NUP93: variants seen among roughly 807,000 people sequenced by gnomAD.
NUP93 encodes nuclear pore complex protein Nup93.
NUP93 carries 55 observed loss-of-function variants against 107.8 expected under a neutral mutation model. The observed-to-expected ratio is 0.51, with a 90% CI of 0.41 to 0.64. The LOEUF (loss-of-function observed/expected upper bound fraction) is 0.64, where lower values mean the gene tolerates loss of function less well. Among genes scored for constraint, NUP93 ranks in the 30% least tolerant of loss-of-function variants. NUP93 has a pLI of 0.00. For synonymous variants in NUP93, 390 were observed against 397.5 expected, an observed-to-expected ratio of 0.98 and a Z score of 0.22; for missense variants, 937 against 1,044.7, an observed-to-expected ratio of 0.90 and a Z score of 1.42.
chr16:56,823,131 C>CGCTCCTTTCCTGGGAG (rs1291329990), intron 7 of NUP93, among the ~76,000 whole-genome samples: 1 of 152,132 alleles, frequency 6.6e-6, no homozygotes, highest in Non-Finnish European at 1.5e-5. Context: ...AAAGAACACC[C>CGCTCCTTTCCTGGGAG]GCTCCTTTCC....
chr16:56,819,585 C>G (rs1193470928), intron 6 of NUP93, among the ~76,000 whole-genome samples: 1 of 152,162 alleles, frequency 6.6e-6, no homozygotes, highest in Non-Finnish European at 1.5e-5. Context: ...TCATCCTCCT[C>G]CAGCCTGGAG....
At chr16:56,810,243 G>T (rs907606824) in intron 5 of NUP93, among the ~76,000 whole-genome samples, 1 of 152,154 alleles carries the variant, frequency 6.6e-6, no homozygotes, top group African/African-American at 2.4e-5. Flanking sequence ...CCAGGGAATT[G>T]CCCTTTTCCG....
intron 3 of NUP93, among the ~76,000 whole-genome samples, chr16:56,771,283 G>T (rs1962317621): frequency 6.6e-6 from 1 of 152,210 alleles, no homozygotes; most frequent in African/African-American, 2.4e-5. Flanking sequence ...TTGAGTGAGT[G>T]TTGGCATCAT....
chr16:56,776,584 A>G (rs1430473840), intron 3 of NUP93, among the ~76,000 whole-genome samples: 17 of 152,354 alleles, frequency 1.1e-4, no homozygotes, highest in Middle Eastern at 6.8e-3. Flanking sequence ...TCTATTTACA[A>G]TCAACCTGGC....
intron 4 of NUP93, among the ~76,000 whole-genome samples, chr16:56,805,275 T>C (rs1963111074): frequency 6.6e-6 from 1 of 152,198 alleles, no homozygotes; most frequent in Admixed American, 6.5e-5. Flanking sequence ...CTCGAACACC[T>C]GGGCTCAAGC....
At chr16:56,766,719 T>C (rs1192363115) in intron 3 of NUP93, among the ~76,000 whole-genome samples, 1 of 152,198 alleles carries the variant, frequency 6.6e-6, no homozygotes, top group Non-Finnish European at 1.5e-5. Context: ...TGCAGCCTGA[T>C]GTGGCAGTTG....
At chr16:56,832,244 T>C (rs773032313) in intron 11 of NUP93, 51 bp from the exon 12 acceptor site, 1 of 1,459,800 alleles carries the variant, frequency 6.9e-7, no homozygotes, top group Non-Finnish European at 9.6e-7. Flanking sequence ...TCTGTGCATG[T>C]GGCTCAGGGT....
At chr16:56,751,855 G>A (rs1961926604) in intron 2 of NUP93, among the ~76,000 whole-genome samples, 2 of 152,166 alleles carry the variant, frequency 1.3e-5, no homozygotes, top group African/African-American at 2.4e-5. Flanking sequence ...GCAGGTAGAA[G>A]GCAGGGAACC....
At chr16:56,731,636 G>A (rs112595976) in intron 1 of NUP93, among the ~76,000 whole-genome samples, 12 of 151,940 alleles carry the variant, frequency 7.9e-5, no homozygotes, top group Non-Finnish European at 1.6e-4. Flanking sequence ...TTGAACTCCT[G>A]GCCTCAAGTG....
At chr16:56,752,379 C>T (rs1009160670) in intron 2 of NUP93, among the ~76,000 whole-genome samples, 2 of 152,066 alleles carry the variant, frequency 1.3e-5, no homozygotes, top group African/African-American at 2.4e-5. Context: ...TGTAGTATGT[C>T]TATGTAGTAG....
intron 21 of NUP93, among the ~76,000 whole-genome samples, chr16:56,843,012 G>C (rs968658402): frequency 7.2e-5 from 11 of 152,188 alleles, no homozygotes; most frequent in Non-Finnish European, 8.8e-5. Context: ...TCTTTCCACT[G>C]TGACCCCACA....
At chr16:56,758,847 G>A (rs1369347866) in intron 3 of NUP93, among the ~76,000 whole-genome samples, 192 bp downstream of exon 3, 2 of 152,214 alleles carry the variant, frequency 1.3e-5, no homozygotes, top group African/African-American at 4.8e-5. Flanking sequence ...AGAGCTCTCT[G>A]TGTGGCTGAA....
At chr16:56,749,266 G>C (rs1410243836) in intron 2 of NUP93, among the ~76,000 whole-genome samples, 1 of 152,202 alleles carries the variant, frequency 6.6e-6, no homozygotes, top group African/African-American at 2.4e-5. Context: ...TACAAGCTTG[G>C]CTAGACGTGA....
intron 19 of NUP93, 123 bp from the exon 20 acceptor site, chr16:56,839,398 A>C (rs1963977022): frequency 1.5e-6 from 1 of 666,392 alleles, no homozygotes; most frequent in Non-Finnish European, 2.5e-6. Flanking sequence ...TTGTGTGTAC[A>C]AGGAGGAATG....
Position 56,738,764 on chromosome 16 carries a change from G to T in NUP93, c.-15+8553G>T, listed in dbSNP as rs144493767. Among the ~76,000 whole-genome samples, 388 of 152,208 alleles carry T rather than the reference G, an allele frequency of 2.5e-3. 2 individuals are homozygous for T. Among genetic ancestry groups the T allele is most frequent in the African/African-American group, 8.7e-3 (362 of 41,512 alleles). ...TAGTTTATGTATTCAAAAGAGAGGA[G>T]AACAGAATCAGTATTAAACTTTTGA... On this transcript the variant is annotated intron_variant, in intron 1 of 21. Coordinates refer to ENST00000308159, the MANE Select transcript of NUP93 (RefSeq NM_014669.5).
intron 8 of NUP93, 144 bp downstream of exon 8, chr16:56,823,990 T>G: frequency 1.8e-6 from 2 of 1,093,596 alleles, no homozygotes; most frequent in South Asian, 3.4e-5. Flanking sequence ...TTCAGAGTTG[T>G]AATCCTGTTT....
At chr16:56,751,784 G>A (rs1961924825) in intron 2 of NUP93, among the ~76,000 whole-genome samples, 1 of 152,186 alleles carries the variant, frequency 6.6e-6, no homozygotes. Flanking sequence ...GGAACTGGAA[G>A]GAGACTCCAG....
intron 3 of NUP93, among the ~76,000 whole-genome samples, chr16:56,789,911 C>T (rs1158954535): frequency 6.6e-6 from 1 of 152,106 alleles, no homozygotes; most frequent in African/African-American, 2.4e-5. Flanking sequence ...CCAGCCTGGC[C>T]AACATGATGA....
chr16:56,833,204 C>G lies in NUP93; in HGVS notation c.1346-11C>G. ...AGTTGGTTTTATCTCCTCTCCTCTC[C>G]TCTCTCCCAGGCGAGTCCCACTTTA... On this transcript the variant is annotated splice_polypyrimidine_tract_variant and intron_variant, in intron 12 of 21. Coordinates refer to ENST00000308159, the MANE Select transcript of NUP93 (RefSeq NM_014669.5). 1 of 1,591,802 alleles carries G rather than the reference C, an allele frequency of 6.3e-7. No homozygotes were observed. The highest frequency in any genetic ancestry group is 8.5e-7 in the Non-Finnish European group (1 of 1,172,486).
Sources: gnomAD v4.1 joint callset for allele counts (sites outside exome capture counted in the v4.1 genomes callset) on GRCh38, gnomAD v4.1.1 for gene constraint, MANE v1.5 for transcripts, NCBI Gene and HGNC (gene_info 2026-07-23, HGNC 2026-07-21) for gene names.